Variants in SLC6A5 observed in about 807,000 individuals in gnomAD.
The protein encoded by SLC6A5 is solute carrier family 6 member 5.
A neutral mutation model predicts 90.5 loss-of-function variants in SLC6A5; 58 were observed. The observed-to-expected ratio is 0.64, with a 90% CI of 0.52 to 0.80. SLC6A5 has a LOEUF of 0.80. Among genes scored for constraint, SLC6A5 ranks in the 30% least tolerant of loss-of-function variants. SLC6A5 has a pLI of 0.00. For missense variants in SLC6A5, 1,015 were observed against 1,017.6 expected (o/e 1.00, Z 0.03); for synonymous variants, 427 against 401.4 (o/e 1.06, Z -0.76).
In SLC6A5 at chr11:20,612,981, C is replaced by T. The variant is rs139436677; in HGVS notation, c.986-1698C>T. On this transcript the variant is annotated intron_variant, in intron 5 of 15. Transcript: ENST00000525748. ...GGCTGGAGTGCTCTCTGGTTGGCCA[C>T]AGTCCCCACCTCTCTCTATTATTTT... 1.9e-3 allele frequency among the ~76,000 whole-genome samples: 297 copies of T among 152,358 alleles called. 2 individuals are homozygous for T. The highest frequency in any genetic ancestry group is 6.9e-3 in the African/African-American group (286 of 41,592).
rs758123289 is a variant in SLC6A5, at chr11:20,638,543, A to T, written c.1954A>T (p.Ile652Phe). 1 of 1,605,338 alleles carries T rather than the reference A, an allele frequency of 6.2e-7. No homozygotes were observed. Among genetic ancestry groups the T allele is most frequent in the Non-Finnish European group, 8.5e-7 (1 of 1,172,058 alleles). Residue 652 changes from isoleucine (I) to phenylalanine (F), a missense_variant, in exon 13 of 16, where the codon ATC becomes TTC. Coordinates refer to ENST00000525748, the MANE Select transcript of SLC6A5 (RefSeq NM_004211.5). ...CATTGCCATTTTTGAGCTCGTGGGG[A>T]TCTCTTATGTGTATGGTAAGGAAAT... is the stretch of plus-strand genomic sequence containing the variant. ...VIIAIFELVG[I>F]SYVYGLQRFC...
intron 13 of SLC6A5, among the ~76,000 whole-genome samples, chr11:20,644,974 G>A (rs960953825): frequency 4.0e-4 from 55 of 139,230 alleles, no homozygotes; most frequent in African/African-American, 1.6e-3. Context: ...ACCATGCCCG[G>A]CTGATTTTTT....
In SLC6A5 at chr11:20,612,737, C is replaced by G. The variant is rs545610539; in HGVS notation, c.986-1942C>G. ...GTCTTGTTATGTTGCCTAGGCTGGT[C>G]TTGAAGTCTTGGGCTCAAGCCATCC... is the stretch of plus-strand genomic sequence containing the variant. On this transcript the variant is annotated intron_variant, in intron 5 of 15. Coordinates refer to ENST00000525748, the MANE Select transcript of SLC6A5 (RefSeq NM_004211.5). Among the ~76,000 whole-genome samples the G allele has an allele frequency of 7.9e-5, 12 of 152,272 alleles. No homozygotes were observed. In the South Asian group the frequency reaches 2.1e-3, roughly 26 times the overall value.
intron 1 of SLC6A5, among the ~76,000 whole-genome samples, chr11:20,600,342 GA>G (rs1412711404): frequency 2.2e-4 from 10 of 44,914 alleles, no homozygotes; most frequent in Admixed American, 5.8e-4. Flanking sequence ...AGAGGAAGAA[GA>G]AGAAGAAGAA....
intron 8 of SLC6A5, among the ~76,000 whole-genome samples, chr11:20,627,762 C>A (rs1053626281): frequency 3.3e-5 from 5 of 152,094 alleles, no homozygotes; most frequent in African/African-American, 1.2e-4. Context: ...TATTGAGTTC[C>A]TCACCTTTGA....
chr11:20,604,563 A>G (rs1312037599), intron 3 of SLC6A5, 139 bp downstream of exon 3: 2 of 1,009,256 alleles, frequency 2.0e-6, no homozygotes, highest in East Asian at 2.4e-5. Flanking sequence ...TACACCTCGT[A>G]GGCTTGAGTG....
At chr11:20,618,022 T>A in intron 7 of SLC6A5, 138 bp downstream of exon 7, 1 of 878,812 alleles carries the variant, frequency 1.1e-6, no homozygotes, top group Admixed American at 1.9e-5. Context: ...GCTGAGGGGC[T>A]GTGACTTCAC....
intron 4 of SLC6A5, 149 bp downstream of exon 4, chr11:20,607,287 A>C (rs971327429): frequency 7.7e-7 from 1 of 1,305,030 alleles, no homozygotes; most frequent in Non-Finnish European, 1.1e-6. Context: ...ATAATGGCCC[A>C]AGATCACCTC....
intron 7 of SLC6A5, among the ~76,000 whole-genome samples, chr11:20,623,074 G>A (rs1342959980): frequency 6.6e-6 from 1 of 152,190 alleles, no homozygotes; most frequent in Non-Finnish European, 1.5e-5. Flanking sequence ...GAAATAGAGA[G>A]GAGCTGGCTG....
chr11:20,648,146 C>A (rs1260549580), intron 14 of SLC6A5, among the ~76,000 whole-genome samples: 1 of 152,160 alleles, frequency 6.6e-6, no homozygotes, highest in Non-Finnish European at 1.5e-5. Flanking sequence ...AGGATGTTGG[C>A]TGTAATTCCC....
chr11:20,620,692 G>A (rs1565278206), intron 7 of SLC6A5, among the ~76,000 whole-genome samples: 1 of 152,242 alleles, frequency 6.6e-6, no homozygotes, highest in Admixed American at 6.5e-5. Context: ...GCTTGTCAAG[G>A]TAGAGTAAAT....
rs777375760 is a variant in SLC6A5 at position 20,607,676 on chromosome 11, A to G, written c.985+24A>G. On this transcript the variant is annotated intron_variant, in intron 5 of 15. Coordinates refer to ENST00000525748, the MANE Select transcript of SLC6A5 (RefSeq NM_004211.5). ...AGGTAAGTTTGGAAATACCTGCTTT[A>G]GGTGTGTGTATTCTAAACTATCCAT... is the stretch of plus-strand genomic sequence containing the variant. The G allele has an allele frequency of 1.0e-5, 16 of 1,585,014 alleles. No individual in the cohort carries two copies. The South Asian group carries it at 1.7e-4, about 16-fold the overall frequency.
Position 20,630,771 on chromosome 11 carries a change from T to C in SLC6A5, c.1580T>C (p.Met527Thr). Residue 527 changes from methionine to threonine, a missense_variant, in exon 10 of 16, where the codon ATG becomes ACG. Met to Thr is a moderately conservative substitution (Grantham distance 81, BLOSUM62 -1). Around this residue, in one of 3 missense-constraint regions of SLC6A5, gnomAD observed 442 missense variants for 494.3 expected, o/e 0.89. Transcript: ENST00000525748. ...GTCATCTTCTCCGTTATCGGCTTCA[T>C]GGCCAATGAACGCAAAGTCAACATT... ...GFVIFSVIGFMANERKVNIEN... is the reference protein window; with the variant it reads ...GFVIFSVIGFTANERKVNIEN... 2.5e-6 allele frequency: 4 copies of C among 1,614,226 alleles called. No homozygotes were observed. The highest frequency in any genetic ancestry group is 3.4e-6 in the Non-Finnish European group (4 of 1,180,030).
rs895900654 is a variant in SLC6A5 at position 20,658,552 on chromosome 11, C to G, written c.*3684C>G. The G allele has an allele frequency of 2.6e-5, 4 of 152,292 alleles. No individual in the cohort carries two copies. Among genetic ancestry groups the G allele is most frequent in the African/African-American group, 9.6e-5 (4 of 41,562 alleles). 9.4% of individuals were successfully genotyped at this position (152,292 alleles called of 1,614,324 possible). The stretch of plus-strand genomic sequence containing the variant: ...TGATTCTGCCTTGATACTCATTTCC[C>G]CACAAAGTGGCCCTAGGATTTGTGA... On this transcript the variant is annotated 3_prime_UTR_variant, in exon 16 of 16. Coordinates refer to ENST00000525748, the MANE Select transcript of SLC6A5 (RefSeq NM_004211.5).
intron 3 of SLC6A5, among the ~76,000 whole-genome samples, chr11:20,605,695 G>A (rs1184873975): frequency 3.3e-5 from 5 of 152,248 alleles, no homozygotes; most frequent in African/African-American, 7.2e-5. Context: ...GCCCGCCCGG[G>A]ATCTGCGAAG....
intron 3 of SLC6A5, among the ~76,000 whole-genome samples, chr11:20,605,313 T>G (rs540314441): frequency 6.6e-6 from 1 of 152,308 alleles, no homozygotes; most frequent in South Asian, 2.1e-4. Flanking sequence ...TTCTTTTGTT[T>G]TTGTCTCTTG....
chr11:20,644,383 A>G (rs1853370433), intron 13 of SLC6A5, among the ~76,000 whole-genome samples: 1 of 152,170 alleles, frequency 6.6e-6, no homozygotes, highest in Non-Finnish European at 1.5e-5. Context: ...AATGTCCTCC[A>G]GGTTCATGTT....
At chr11:20,644,471 A>T (rs1203340077) in intron 13 of SLC6A5, among the ~76,000 whole-genome samples, 2 of 152,240 alleles carry the variant, frequency 1.3e-5, no homozygotes, top group Non-Finnish European at 2.9e-5. Context: ...ACATTTATCC[A>T]TTCATCAGTT....
chr11:20,657,401 C>G lies in SLC6A5; in HGVS notation c.*2533C>G, dbSNP rs533047187. On this transcript the variant is annotated 3_prime_UTR_variant, in exon 16 of 16. Coordinates refer to ENST00000525748, the MANE Select transcript of SLC6A5 (RefSeq NM_004211.5). The stretch of plus-strand genomic sequence containing the variant: ...GCTCCCTGAGCAGCTGTTTCCCCCC[C>G]ACCCCACTTCACTATAATTTCCAAG... 5.3e-5 allele frequency: 8 copies of G among 152,156 alleles called. No individual in the cohort carries two copies. The highest frequency in any genetic ancestry group is 1.4e-4 in the African/African-American group (6 of 41,450). 9.4% of individuals were successfully genotyped at this position (152,156 alleles called of 1,614,324 possible).
Sources: gnomAD v4.1 joint callset for allele counts (sites outside exome capture counted in the v4.1 genomes callset) on GRCh38, gnomAD v4.1.1 for gene constraint, gnomAD v4.1.1 regional missense constraint, MANE v1.5 for transcripts, NCBI Gene and HGNC (gene_info 2026-07-23, HGNC 2026-07-21) for gene names.